UBOX5: variants seen among roughly 807,000 people sequenced by gnomAD.
UBOX5 encodes the protein U-box domain containing 5, also known as RING finger protein 37.
Under a neutral mutation model 39.0 loss-of-function variants are expected in UBOX5, and 28 were observed. The observed-to-expected ratio is 0.72, with a 90% CI of 0.53 to 0.98. The LOEUF is 0.98. Among genes scored for constraint, UBOX5 ranks in the 50% least tolerant of loss-of-function variants. The pLI is 0.00. For missense variants in UBOX5, 585 were observed against 674.4 expected (o/e 0.87, Z 1.47); for synonymous variants, 283 against 275.5 (o/e 1.03, Z -0.27).
intron 1 of UBOX5, chr20:3,147,829 C>CA (rs1163902872): frequency 6.2e-7 from 1 of 1,614,192 alleles, no homozygotes; most frequent in East Asian, 2.2e-5. Flanking sequence ...AAGACGCAGC[C>CA]ACTGCATTCA....
In UBOX5 at chr20:3,149,281, G is replaced by T; in HGVS notation, c.-42+10485C>A. ...AGATACTGAAAAAAGGGTAGATGAA[G>T]AATGAGTGGCTTCTACCTATAAAAG... On this transcript the variant is annotated intron_variant, in intron 1 of 4. Transcript: ENST00000217173. The surrounding 1 kb of genome is among the most constrained non-coding windows in gnomAD (Gnocchi z 4.1). 1.8e-6 allele frequency: 1 copy of T among 554,416 alleles called. No homozygotes were observed. 34.3% of individuals were successfully genotyped at this position (554,416 alleles called of 1,614,324 possible).
In UBOX5 at chr20:3,110,269, C is replaced by G. The variant is rs762262205; in HGVS notation, c.1463G>C (p.Arg488Thr). The G allele has an allele frequency of 1.9e-6, 3 of 1,614,170 alleles. 1 individual carries two copies. In the African/African-American group the frequency reaches 4.0e-5, roughly 22 times the overall value. Reference sequence around the variant, plus strand: ...CTTTTTGAAGTAGGGAGAAAATACTCTTTTGCAGGAGGCACATTCGGGGCC... The same window carrying G: ...CTTTTTGAAGTAGGGAGAAAATACTGTTTTGCAGGAGGCACATTCGGGGCC... ...ILGPECASCK[R>T]VFSPYFKKEP... The change falls in exon 5 of 5, where the codon AGA becomes ACA. Residue 488 changes from arginine (R) to threonine (T), a missense_variant. By Grantham distance (71) the Arg-to-Thr change is moderately conservative. Coordinates refer to ENST00000217173, the MANE Select transcript of UBOX5 (RefSeq NM_014948.4).
At chr20:3,142,305 T>C (rs1193206924) in intron 1 of UBOX5, among the ~76,000 whole-genome samples, 2 of 149,636 alleles carry the variant, frequency 1.3e-5, no homozygotes, top group African/African-American at 4.9e-5. Flanking sequence ...CTACTAAAAA[T>C]ACAAAAAAAA....
intron 4 of UBOX5, among the ~76,000 whole-genome samples, chr20:3,114,066 G>A (rs1262020349): frequency 4.6e-5 from 7 of 152,138 alleles, no homozygotes; most frequent in Admixed American, 2.0e-4. Flanking sequence ...CCTAGGAGGC[G>A]GAAGTTGCAG....
intron 1 of UBOX5, chr20:3,147,293 T>C (rs1402453396): frequency 1.9e-6 from 3 of 1,614,252 alleles, no homozygotes; most frequent in Non-Finnish European, 2.5e-6. Flanking sequence ...AACATCAAGC[T>C]GGACCTCTAA....
intron 1 of UBOX5, among the ~76,000 whole-genome samples, chr20:3,157,965 C>T (rs1005820905): frequency 4.6e-5 from 7 of 152,020 alleles, no homozygotes; most frequent in South Asian, 2.1e-4. Context: ...GTGCAATCTC[C>T]GCTCACTGCA....
At chr20:3,119,190 C>T (rs1179011041) in intron 3 of UBOX5, among the ~76,000 whole-genome samples, 1 of 152,208 alleles carries the variant, frequency 6.6e-6, no homozygotes, top group Non-Finnish European at 1.5e-5. Context: ...ACGCACAGCT[C>T]CCACACAGTA....
chr20:3,114,705 T>G (rs2066279628), intron 4 of UBOX5, among the ~76,000 whole-genome samples: 1 of 152,148 alleles, frequency 6.6e-6, no homozygotes, highest in Non-Finnish European at 1.5e-5. Flanking sequence ...ATCTCAGCGC[T>G]TTGCGAGGCC....
At chr20:3,129,974 G>A (rs577879191) in intron 1 of UBOX5, among the ~76,000 whole-genome samples, 1 of 152,246 alleles carries the variant, frequency 6.6e-6, no homozygotes, top group East Asian at 1.9e-4. Context: ...TCACGCCTGT[G>A]ATCCCAGTAC....
chr20:3,129,225 C>A (rs1308986366), intron 1 of UBOX5, among the ~76,000 whole-genome samples: 2 of 152,170 alleles, frequency 1.3e-5, no homozygotes, highest in Non-Finnish European at 2.9e-5. Context: ...TTCAGTCCAG[C>A]CCCGTTACAT....
intron 3 of UBOX5, among the ~76,000 whole-genome samples, chr20:3,119,330 G>C (rs896476222): frequency 5.9e-5 from 9 of 152,208 alleles, no homozygotes; most frequent in Non-Finnish European, 1.3e-4. Context: ...ATGTGGGTGA[G>C]ACTAGAAGTA....
chr20:3,134,820 G>A (rs1284799177), intron 1 of UBOX5, among the ~76,000 whole-genome samples: 6 of 151,728 alleles, frequency 4.0e-5, no homozygotes, highest in South Asian at 2.1e-4. Context: ...GGCCGACACC[G>A]TGCCACTGCA....
chr20:3,132,806 T>C (rs6051594), intron 1 of UBOX5, among the ~76,000 whole-genome samples: 107,735 of 144,312 alleles, frequency 0.75, 40,538 homozygotes, highest in African/African-American at 0.91. Flanking sequence ...GGTGACAGAG[T>C]GGGACTGTCT....
chr20:3,126,248 C>T (rs966235916), intron 1 of UBOX5, among the ~76,000 whole-genome samples: 2 of 152,050 alleles, frequency 1.3e-5, no homozygotes, highest in Admixed American at 6.6e-5. Flanking sequence ...TGTGTCAACT[C>T]AGGGTTAAAT....
At chr20:3,159,701 G>A (rs2066726336) in intron 1 of UBOX5, 65 bp downstream of exon 1, 1 of 152,422 alleles carries the variant, frequency 6.6e-6, no homozygotes, top group Non-Finnish European at 1.5e-5. Flanking sequence ...ACAGGCCAAG[G>A]CCCAGGACGG....
rs148208572 is a variant in UBOX5 at position 3,143,529 on chromosome 20, C to T, written c.-42+16237G>A. ...TAAAGTTAACATCGGGGTACAGTGG[C>T]TCACACCTGTAATCCCAGCACTTTG... On this transcript the variant is annotated intron_variant, in intron 1 of 4. Transcript: ENST00000217173. 2.9e-3 allele frequency among the ~76,000 whole-genome samples: 445 copies of T among 152,248 alleles called. 3 individuals carry two copies. The highest frequency in any genetic ancestry group is 9.7e-3 in the African/African-American group (402 of 41,546).
intron 1 of UBOX5, among the ~76,000 whole-genome samples, chr20:3,142,603 C>CAAA (rs899893927): frequency 1.5e-3 from 78 of 50,812 alleles, no homozygotes; most frequent in African/African-American, 5.9e-3. Context: ...GACTCCGTCT[C>CAAA]AAAAAAAAAA....
chr20:3,115,282 G>A (rs749876334), intron 4 of UBOX5, 23 bp downstream of exon 4: 4 of 1,601,872 alleles, frequency 2.5e-6, no homozygotes, highest in Non-Finnish European at 3.4e-6. Flanking sequence ...AAGGCTCCAA[G>A]GAGATGGCGG....
At chr20:3,148,723 T>A in intron 1 of UBOX5, 1 of 1,614,224 alleles carries the variant, frequency 6.2e-7, no homozygotes, top group Non-Finnish European at 8.5e-7. Flanking sequence ...GTAGGAAAAC[T>A]CGCATGTTTT....
Sources: allele counts gnomAD v4.1 joint callset (sites outside exome capture counted in the v4.1 genomes callset), GRCh38; gene constraint gnomAD v4.1.1; non-coding constraint Gnocchi (gnomAD v3.1); transcripts MANE v1.5; gene names NCBI Gene and HGNC (gene_info 2026-07-23, HGNC 2026-07-21).